Variants in SLC25A43 observed in about 807,000 individuals in gnomAD.
SLC25A43 encodes solute carrier family 25, member 43.
A neutral mutation model predicts 22.8 loss-of-function variants in SLC25A43; 10 were observed. The observed-to-expected ratio is 0.44, with a 90% CI of 0.27 to 0.74. The LOEUF (loss-of-function observed/expected upper bound fraction) is 0.74. Ranked by LOEUF, SLC25A43 falls within the 30% of genes least tolerant of loss-of-function variation. The pLI is 0.17. For missense variants in SLC25A43, 233 were observed against 279.1 expected, an observed-to-expected ratio of 0.83 and a Z score of 1.18; for synonymous variants, 106 against 121.6, an observed-to-expected ratio of 0.87 and a Z score of 0.84.
intron 3 of SLC25A43, among the ~76,000 whole-genome samples, chrX:119,411,436 G>A (rs1484160107): frequency 9.3e-6 from 1 of 107,475 alleles, no homozygotes; most frequent in African/African-American, 3.4e-5. Flanking sequence ...GGAGGCAGAG[G>A]TTGCAGTGAG....
In SLC25A43 at chrX:119,422,717, G is replaced by A. The variant is rs766037933; in HGVS notation, c.690+12355G>A. 3.6e-5 allele frequency among the ~76,000 whole-genome samples: 4 copies of A among 111,699 alleles called. No individual in the cohort carries two copies. In the East Asian group the frequency reaches 1.1e-3, roughly 32 times the overall value. On this transcript the variant is annotated intron_variant, in intron 3 of 4. Transcript: ENST00000217909. ...CCTCCTGCTCAACCTGCTGCCCTAA[G>A]AAAACCTCTGCATGTCCCCTGTCTA... is the stretch of plus-strand genomic sequence containing the variant.
intron 3 of SLC25A43, among the ~76,000 whole-genome samples, chrX:119,418,960 G>A (rs1412694682): frequency 8.9e-6 from 1 of 112,811 alleles, no homozygotes; most frequent in Non-Finnish European, 1.9e-5. Context: ...GCAGAACTTA[G>A]TGTATTGAGA....
intron 3 of SLC25A43, among the ~76,000 whole-genome samples, chrX:119,431,707 CT>C (rs1428538562): frequency 9.0e-6 from 1 of 111,295 alleles, no homozygotes; most frequent in East Asian, 2.8e-4. Context: ...TAATAAGTGC[CT>C]GGTATGTACA....
intron 3 of SLC25A43, among the ~76,000 whole-genome samples, chrX:119,451,571 C>A (rs2052707877): frequency 1.8e-5 from 2 of 111,941 alleles, no homozygotes; most frequent in South Asian, 7.4e-4. Context: ...GCCACCATCA[C>A]AATGCTCCCT....
chrX:119,407,080 C>T (rs1190704420), intron 2 of SLC25A43, among the ~76,000 whole-genome samples: 1 of 112,949 alleles, frequency 8.9e-6, no homozygotes, highest in Non-Finnish European at 1.9e-5. Flanking sequence ...CAGAGCTACA[C>T]ATTTATGGCC....
At chrX:119,435,457 CTT>C (rs1175233726) in intron 3 of SLC25A43, among the ~76,000 whole-genome samples, 8,963 of 54,121 alleles carry the variant, frequency 0.17, 227 homozygotes, top group Middle Eastern at 0.21. Context: ...AGATTTTATT[CTT>C]TTTTTTTTTT....
chrX:119,427,006 A>G (rs747650521), intron 3 of SLC25A43, among the ~76,000 whole-genome samples: 1 of 111,578 alleles, frequency 9.0e-6, no homozygotes, highest in Admixed American at 9.5e-5. Flanking sequence ...CTTTACAGAC[A>G]GGCTCCATGT....
intron 3 of SLC25A43, among the ~76,000 whole-genome samples, chrX:119,417,582 C>T (rs2052415894): frequency 9.0e-6 from 1 of 110,922 alleles, no homozygotes; most frequent in Non-Finnish European, 1.9e-5. Context: ...CCAGCCAACA[C>T]CGCATTCTAC....
intron 1 of SLC25A43, among the ~76,000 whole-genome samples, chrX:119,401,574 G>A (rs1413571546): frequency 9.0e-6 from 1 of 110,554 alleles, no homozygotes; most frequent in African/African-American, 3.3e-5. Context: ...GAAAGATACT[G>A]CAGTTGATGT....
At chrX:119,432,273 G>A (rs2052560037) in intron 3 of SLC25A43, among the ~76,000 whole-genome samples, 1 of 111,445 alleles carries the variant, frequency 9.0e-6, no homozygotes, top group African/African-American at 3.3e-5. Context: ...GTGTGATAAC[G>A]GTATTATACA....
chrX:119,406,899 C>T lies in SLC25A43; in HGVS notation c.517+198C>T, dbSNP rs755799661. Among the ~76,000 whole-genome samples the T allele has an allele frequency of 8.0e-5, 9 of 112,936 alleles. No homozygotes were observed. The East Asian group carries it at 1.1e-3, about 14-fold the overall frequency. On this transcript the variant is annotated intron_variant, in intron 2 of 4. Transcript: ENST00000217909. The stretch of plus-strand genomic sequence containing the variant: ...CCTAAACTTTGGCCAGTTACATCCC[C>T]GGGAGGGGAGTAGACCAGAAAGTGG...
rs750252857 is a variant in SLC25A43 at position 119,435,064 on chromosome X, C to T, written c.691-16945C>T. On this transcript the variant is annotated intron_variant, in intron 3 of 4. Transcript: ENST00000217909. ...ATATTGGCCAGGCTGGTCTCAAACTCCCAACCTCAAGTTATCTGCCCACCT... is the reference window on the plus strand; with the variant it reads ...ATATTGGCCAGGCTGGTCTCAAACTTCCAACCTCAAGTTATCTGCCCACCT... Among the ~76,000 whole-genome samples the T allele has an allele frequency of 2.7e-5, 3 of 111,025 alleles. No individual in the cohort carries two copies. In the South Asian group the frequency reaches 1.1e-3, roughly 42 times the overall value.
chrX:119,399,502 G>A lies in SLC25A43; in HGVS notation c.99G>A (p.Leu33=), dbSNP rs2052217102. Residue 33 remains leucine (L), a synonymous_variant, in exon 1 of 5, where the codon CTG becomes CTA. Transcript: ENST00000217909. ...TCAGCCTCAGCCTCACCGCGCCCCT[G>A]GAGCTCGCCACCGTGCTGGCCCAGG... The part of the protein sequence containing the change: ...GTLSLSLTAP[L]ELATVLAQVG... The A allele has an allele frequency of 9.1e-7, 1 of 1,093,751 alleles. No individual in the cohort carries two copies. Among genetic ancestry groups the A allele is most frequent in the East Asian group, 3.9e-5 (1 of 25,840 alleles). 90.1% of individuals were successfully genotyped at this position (1,093,751 alleles called of 1,213,427 possible). A position where few individuals can be genotyped will look rare whatever the true frequency, so the allele number is the denominator to read the frequency against.
In SLC25A43 at chrX:119,410,311, A is replaced by T; in HGVS notation, c.639A>T (p.Ala213=). The T allele has an allele frequency of 8.3e-7, 1 of 1,211,034 alleles. No individual in the cohort carries two copies. The highest frequency in any genetic ancestry group is 1.1e-6 in the Non-Finnish European group (1 of 895,268). ...QNFANVCLAA[A]VTQTLSFPFE... The stretch of plus-strand genomic sequence containing the variant: ...TTGCTAATGTCTGTCTGGCTGCTGC[A>T]GTGACCCAGACCCTCTCCTTTCCCT... The change falls in exon 3 of 5, where the codon GCA becomes GCT. Residue 213 remains alanine (A), a synonymous_variant. Transcript: ENST00000217909.
At chrX:119,448,391 C>G (rs1325590026) in intron 3 of SLC25A43, among the ~76,000 whole-genome samples, 1 of 111,624 alleles carries the variant, frequency 9.0e-6, no homozygotes, top group African/African-American at 3.3e-5. Context: ...TAACCCCCCC[C>G]AGTGACCAGT....
intron 3 of SLC25A43, among the ~76,000 whole-genome samples, chrX:119,441,806 G>A (rs1033621788): frequency 9.0e-6 from 1 of 111,595 alleles, no homozygotes; most frequent in East Asian, 2.8e-4. Context: ...ATCACTGTAC[G>A]TGGCCAGGCG....
At chrX:119,410,038 A>G (rs982393906) in intron 2 of SLC25A43, 152 bp from the exon 3 acceptor site, 6 of 563,290 alleles carry the variant, frequency 1.1e-5, no homozygotes, top group African/African-American at 2.3e-5. Flanking sequence ...ATCGCACTCA[A>G]GAAAGTTCCC....
chrX:119,441,630 T>C (rs1476523625), intron 3 of SLC25A43, among the ~76,000 whole-genome samples: 5 of 111,522 alleles, frequency 4.5e-5, no homozygotes, highest in Non-Finnish European at 9.4e-5. Context: ...GTGGTTGATT[T>C]GGATTTTACA....
At chrX:119,446,407 T>G (rs1283590468) in intron 3 of SLC25A43, among the ~76,000 whole-genome samples, 1 of 111,921 alleles carries the variant, frequency 8.9e-6, no homozygotes. Context: ...CTGTATGACC[T>G]TGGTCAAATC....
Sources: gnomAD v4.1 joint callset for allele counts (sites outside exome capture counted in the v4.1 genomes callset) on GRCh38, gnomAD v4.1.1 for gene constraint, MANE v1.5 for transcripts, NCBI Gene and HGNC (gene_info 2026-07-23, HGNC 2026-07-21) for gene names.